The following ELMO1 variants were observed in gnomAD, a reference collection of about 807,000 sequenced individuals.
The protein encoded by ELMO1 is engulfment and cell motility protein 1.
In ELMO1, 26 loss-of-function variants were observed where a neutral mutation model predicts 98.9. The observed-to-expected ratio is 0.26, with a 90% CI of 0.19 to 0.36. The LOEUF (loss-of-function observed/expected upper bound fraction) is 0.36. Among genes scored for constraint, ELMO1 ranks in the 10% least tolerant of loss-of-function variants. The probability of loss-of-function intolerance (pLI) is 1.00; values close to 1 mark genes in which losing one functional copy is unlikely to be tolerated. For missense variants in ELMO1, 627 were observed against 935.2 expected, an observed-to-expected ratio of 0.67 and a Z score of 4.30; for synonymous variants, 346 against 346.0, an observed-to-expected ratio of 1.00 and a Z score of 0.00.
chr7:36,957,911 A>G (rs1188531302), intron 16 of ELMO1, among the ~76,000 whole-genome samples: 1 of 151,830 alleles, frequency 6.6e-6, no homozygotes, highest in Non-Finnish European at 1.5e-5. Flanking sequence ...ACCCTGTAAA[A>G]CTTCCCTCCA....
intron 16 of ELMO1, among the ~76,000 whole-genome samples, chr7:36,931,324 G>T (rs1406878577): frequency 6.6e-6 from 1 of 152,186 alleles, no homozygotes; most frequent in Non-Finnish European, 1.5e-5. Context: ...TTCAGGCCAG[G>T]CATGGTGGCT....
At chr7:37,445,298 C>A (rs367768691) in intron 1 of ELMO1, among the ~76,000 whole-genome samples, 7 of 152,210 alleles carry the variant, frequency 4.6e-5, no homozygotes, top group Non-Finnish European at 7.3e-5. Flanking sequence ...TAATCCACCA[C>A]GTTTTCCAGA....
intron 16 of ELMO1, among the ~76,000 whole-genome samples, chr7:36,929,795 T>C (rs1464869345): frequency 6.6e-6 from 1 of 152,214 alleles, no homozygotes; most frequent in Non-Finnish European, 1.5e-5. Context: ...CAAATGCACT[T>C]GAAAACCATT....
chr7:36,920,741 T>TA (rs1201209804), intron 16 of ELMO1, among the ~76,000 whole-genome samples: 3 of 152,140 alleles, frequency 2.0e-5, no homozygotes, highest in African/African-American at 7.2e-5. Flanking sequence ...TTTCTACTGT[T>TA]AGACTGACCA....
chr7:37,331,226 G>T (rs6462753), intron 2 of ELMO1, among the ~76,000 whole-genome samples: 44,543 of 150,246 alleles, frequency 0.3, 6,708 homozygotes, highest in African/African-American at 0.35. Context: ...TTGGAGTGCA[G>T]TGGTGCAATC....
intron 15 of ELMO1, among the ~76,000 whole-genome samples, chr7:37,090,014 C>G (rs1416236599): frequency 6.6e-6 from 1 of 152,170 alleles, no homozygotes; most frequent in Non-Finnish European, 1.5e-5. Flanking sequence ...TGCTGAAAGT[C>G]TTCCAAAAAC....
intron 7 of ELMO1, among the ~76,000 whole-genome samples, chr7:37,233,931 T>C (rs1794320113): frequency 6.6e-6 from 1 of 152,220 alleles, no homozygotes; most frequent in Admixed American, 6.5e-5. Context: ...GGGTCTAATA[T>C]GTGGTTTGAA....
At chr7:37,417,504 CA>C (rs1169898330) in intron 1 of ELMO1, among the ~76,000 whole-genome samples, 2 of 152,102 alleles carry the variant, frequency 1.3e-5, no homozygotes, top group Admixed American at 6.6e-5. Context: ...ACTAAAAATA[CA>C]AAAACAAAAT....
At chr7:36,898,691 T>C (rs565215101) in intron 16 of ELMO1, among the ~76,000 whole-genome samples, 1 of 152,344 alleles carries the variant, frequency 6.6e-6, no homozygotes, top group South Asian at 2.1e-4. Flanking sequence ...CACGTGCTCC[T>C]TGTCTAATCA....
At chr7:37,439,637 A>C (rs1488948034) in intron 1 of ELMO1, among the ~76,000 whole-genome samples, 2 of 152,220 alleles carry the variant, frequency 1.3e-5, no homozygotes, top group African/African-American at 4.8e-5. Flanking sequence ...ATTTATATAC[A>C]TTTTAAGGAT....
intron 2 of ELMO1, among the ~76,000 whole-genome samples, chr7:37,326,391 C>G (rs1169760784): frequency 6.6e-6 from 1 of 151,892 alleles, no homozygotes; most frequent in Admixed American, 6.6e-5. Flanking sequence ...TCCGTCTTTA[C>G]TAAAAATACA....
rs1363415503 is a variant in ELMO1, at chr7:37,318,180, G to A, written c.79-2220C>T. On this transcript the variant is annotated intron_variant, in intron 2 of 21. Coordinates refer to ENST00000310758, the MANE Select transcript of ELMO1 (RefSeq NM_014800.11). ...GTTTATGGCTCTTGCTGTGAGCTGA[G>A]GAACAAATGTGTTCGCTCAACCAAA... Among the ~76,000 whole-genome samples the A allele has an allele frequency of 3.3e-5, 5 of 152,068 alleles. No homozygotes were observed. In the East Asian group the frequency reaches 9.6e-4, roughly 29 times the overall value.
intron 16 of ELMO1, among the ~76,000 whole-genome samples, chr7:36,992,460 T>C (rs1001803851): frequency 1.3e-5 from 2 of 152,216 alleles, no homozygotes; most frequent in Non-Finnish European, 2.9e-5. Flanking sequence ...AAATATACCA[T>C]GGAAATGAAC....
Position 36,861,814 on chromosome 7 carries a change from G to T in ELMO1, c.1906-78C>A. ...TTGCAGTTGCAAATGGCTGCACATT[G>T]ACCATGGCATAGGGCCAGCTTGTCT... On this transcript the variant is annotated intron_variant, in intron 20 of 21. Transcript: ENST00000310758. 4 of 1,399,648 alleles carry T rather than the reference G, an allele frequency of 2.9e-6. No homozygotes were observed. In the South Asian group the frequency reaches 3.5e-5, roughly 12 times the overall value. 86.7% of individuals were successfully genotyped at this position (1,399,648 alleles called of 1,614,324 possible). A position where few individuals can be genotyped will look rare whatever the true frequency, so the allele number is the denominator to read the frequency against.
intron 16 of ELMO1, among the ~76,000 whole-genome samples, chr7:36,984,107 A>G (rs1329344623): frequency 2.0e-5 from 3 of 152,284 alleles, no homozygotes; most frequent in Admixed American, 1.3e-4. Context: ...CGAAATGGAC[A>G]TTGACTCTAA....
chr7:36,964,984 C>T (rs932975925), intron 16 of ELMO1, among the ~76,000 whole-genome samples: 7 of 152,166 alleles, frequency 4.6e-5, no homozygotes, highest in Non-Finnish European at 8.8e-5. Flanking sequence ...TATCACCCCC[C>T]GCATCCCCCA....
At chr7:36,862,095 C>G (rs967093087) in intron 20 of ELMO1, 4 of 244,728 alleles carry the variant, frequency 1.6e-5, no homozygotes, top group Non-Finnish European at 3.2e-5. Flanking sequence ...CAGCATCTCC[C>G]TTCCAGAGAG....
At chr7:36,946,032 G>A (rs976335758) in intron 16 of ELMO1, among the ~76,000 whole-genome samples, 2 of 152,216 alleles carry the variant, frequency 1.3e-5, no homozygotes, top group Non-Finnish European at 2.9e-5. Flanking sequence ...AGGATGGGAC[G>A]TGGACAGTCT....
At chr7:37,122,892 A>T (rs1191471335) in intron 14 of ELMO1, among the ~76,000 whole-genome samples, 3 of 152,076 alleles carry the variant, frequency 2.0e-5, no homozygotes, top group Non-Finnish European at 2.9e-5. Context: ...GAAGTAAAGC[A>T]CTCCTCAGCA....
Sources: gnomAD v4.1 joint callset for allele counts (sites outside exome capture counted in the v4.1 genomes callset) on GRCh38, gnomAD v4.1.1 for gene constraint, MANE v1.5 for transcripts, NCBI Gene and HGNC (gene_info 2026-07-23, HGNC 2026-07-21) for gene names.